CTIF: variants seen among roughly 807,000 people sequenced by gnomAD.
The protein encoded by CTIF is CBP80/20-dependent translation initiation factor.
In CTIF, 21 loss-of-function variants were observed where a neutral mutation model predicts 66.0. The observed-to-expected ratio is 0.32, with a 90% CI of 0.23 to 0.46. CTIF has a LOEUF of 0.46. CTIF is among the 20% of genes least tolerant of loss of function. The probability of loss-of-function intolerance (pLI) is 1.00; values close to 1 mark genes in which losing one functional copy is unlikely to be tolerated. For synonymous variants in CTIF, 345 were observed against 326.4 expected (o/e 1.06, Z -0.62); for missense variants, 739 against 812.7 (o/e 0.91, Z 1.10).
chr18:48,560,543 T>C (rs1193958240), intron 1 of CTIF, among the ~76,000 whole-genome samples: 1 of 151,728 alleles, frequency 6.6e-6, no homozygotes, highest in East Asian at 2.0e-4. Context: ...GTTTTAACCA[T>C]AACAACTGGT....
chr18:48,853,974 G>A (rs147053370), intron 10 of CTIF, among the ~76,000 whole-genome samples: 94 of 152,338 alleles, frequency 6.2e-4, no homozygotes, highest in African/African-American at 2.2e-3. Context: ...AAATGAGGAT[G>A]TGCCCTCAGA....
chr18:48,756,742 G>A (rs1032980829), intron 7 of CTIF, among the ~76,000 whole-genome samples: 9 of 152,194 alleles, frequency 5.9e-5, no homozygotes, highest in Non-Finnish European at 1.5e-5. Flanking sequence ...GAGCCAGCCA[G>A]AAGGGTCATG....
intron 1 of CTIF, among the ~76,000 whole-genome samples, chr18:48,547,223 AG>A (rs2088773461): frequency 6.6e-6 from 1 of 152,204 alleles, no homozygotes; most frequent in South Asian, 2.1e-4. Flanking sequence ...GTTCCATCCA[AG>A]CCTTCATCTC....
chr18:48,705,111 C>G (rs2145424461), intron 6 of CTIF, among the ~76,000 whole-genome samples: 1 of 152,340 alleles, frequency 6.6e-6, no homozygotes, highest in African/African-American at 2.4e-5. Context: ...GCAGGTTCAT[C>G]CTTCAGGGAG....
intron 2 of CTIF, among the ~76,000 whole-genome samples, chr18:48,628,683 G>C (rs957395922): frequency 2.0e-4 from 30 of 152,302 alleles, no homozygotes; most frequent in Non-Finnish European, 2.9e-4. Flanking sequence ...AGGTCATAGA[G>C]TAAGTGGCGG....
intron 6 of CTIF, among the ~76,000 whole-genome samples, chr18:48,682,065 T>C (rs898164431): frequency 6.6e-6 from 1 of 152,194 alleles, no homozygotes; most frequent in African/African-American, 2.4e-5. Context: ...GGATTACAGG[T>C]GTGAGCCACC....
At chr18:48,673,086 AT>A (rs1318505624) in intron 6 of CTIF, among the ~76,000 whole-genome samples, 1 of 151,628 alleles carries the variant, frequency 6.6e-6, no homozygotes, top group African/African-American at 2.4e-5. Flanking sequence ...TCCACCTGCC[AT>A]TTCCCCAGAG....
At chr18:48,832,653 C>T (rs1319946) in intron 10 of CTIF, among the ~76,000 whole-genome samples, 73,463 of 152,044 alleles carry the variant, frequency 0.48, 18,681 homozygotes, top group South Asian at 0.7. Context: ...TGCATTGCCC[C>T]TTGATTACAC....
At chr18:48,738,836 A>C (rs1205924686) in intron 7 of CTIF, among the ~76,000 whole-genome samples, 10 of 152,168 alleles carry the variant, frequency 6.6e-5, no homozygotes, top group Non-Finnish European at 1.3e-4. Context: ...TCACTAAACC[A>C]CTGTCGAGTA....
At chr18:48,779,066 G>A (rs1455932616) in intron 9 of CTIF, among the ~76,000 whole-genome samples, 2 of 152,214 alleles carry the variant, frequency 1.3e-5, no homozygotes, top group African/African-American at 4.8e-5. Flanking sequence ...ATAAACTGGG[G>A]TAATAGATAA....
intron 7 of CTIF, among the ~76,000 whole-genome samples, chr18:48,730,624 C>A (rs1293367590): frequency 1.1e-5 from 1 of 90,694 alleles, no homozygotes; most frequent in Non-Finnish European, 2.3e-5. Context: ...GGGGCTCCTG[C>A]GGTGTGAGGG....
At chr18:48,559,048 C>T (rs763775104) in intron 1 of CTIF, among the ~76,000 whole-genome samples, 3 of 152,030 alleles carry the variant, frequency 2.0e-5, no homozygotes, top group South Asian at 2.1e-4. Context: ...TATCCTCTCC[C>T]GTCTTGTTGA....
In CTIF at chr18:48,619,569, G is replaced by T; in HGVS notation, c.4G>T (p.Glu2Ter). The change falls in exon 2 of 12, where the codon GAA becomes TAA. Residue 2 changes from glutamate to a stop codon, truncating the protein, a stop_gained. Coordinates refer to ENST00000256413, the MANE Select transcript of CTIF (RefSeq NM_014772.3). LOFTEE classifies it high-confidence loss of function. The part of the protein sequence containing the change: M[E>*]NSSAASASSE... ...CCCAGGCCCCTGAGCTGGAGGGATG[G>T]AAAACTCCTCTGCAGCATCAGCCTC... The T allele has an allele frequency of 6.4e-7, 1 of 1,556,580 alleles. No individual in the cohort carries two copies. Among genetic ancestry groups the T allele is most frequent in the African/African-American group, 1.4e-5 (1 of 73,418 alleles).
intron 9 of CTIF, among the ~76,000 whole-genome samples, chr18:48,779,875 A>G (rs987486609): frequency 6.6e-6 from 1 of 152,204 alleles, no homozygotes; most frequent in African/African-American, 2.4e-5. Context: ...TTTTGCTTCC[A>G]CTTGGCAGCC....
chr18:48,693,598 T>A (rs1320776793), intron 6 of CTIF, among the ~76,000 whole-genome samples: 1 of 151,232 alleles, frequency 6.6e-6, no homozygotes. Flanking sequence ...GGGGAGAGAG[T>A]GTGAGAAGGC....
intron 10 of CTIF, among the ~76,000 whole-genome samples, chr18:48,820,406 TG>T (rs1478024317): frequency 6.6e-6 from 1 of 152,136 alleles, no homozygotes; most frequent in African/African-American, 2.4e-5. Context: ...CCCTCCATGC[TG>T]GAAAAGCTTA....
At chr18:48,632,099 G>C in intron 2 of CTIF, among the ~76,000 whole-genome samples, 1 of 152,182 alleles carries the variant, frequency 6.6e-6, no homozygotes, top group East Asian at 1.9e-4. Flanking sequence ...ATCCCAGCAG[G>C]GATGGGGAGG....
intron 10 of CTIF, among the ~76,000 whole-genome samples, chr18:48,839,876 A>T (rs2068897970): frequency 6.6e-6 from 1 of 152,078 alleles, no homozygotes; most frequent in Non-Finnish European, 1.5e-5. Flanking sequence ...GGCCCTTCCG[A>T]ATGGCCTCAC....
rs1439624591 is a variant in CTIF at position 48,619,805 on chromosome 18, C to T, written c.180+60C>T. On this transcript the variant is annotated intron_variant, in intron 2 of 11. Coordinates refer to ENST00000256413, the MANE Select transcript of CTIF (RefSeq NM_014772.3). The stretch of plus-strand genomic sequence containing the variant: ...AATTCAGAGGGGGTGATGCAGGAGC[C>T]CCTAATTCTGGGCAGCATCCAGTTG... The T allele has an allele frequency of 2.8e-6, 4 of 1,410,016 alleles. No individual in the cohort carries two copies. The African/African-American group carries it at 5.8e-5, about 20-fold the overall frequency. The allele number at this position is 1,410,016 out of a possible 1,614,324, so 87.3% of individuals were successfully genotyped here.
Sources: allele counts gnomAD v4.1 joint callset (sites outside exome capture counted in the v4.1 genomes callset), GRCh38; gene constraint gnomAD v4.1.1; transcripts MANE v1.5; gene names NCBI Gene and HGNC (gene_info 2026-07-23, HGNC 2026-07-21).